Variants in KLF12 observed in about 807,000 individuals in gnomAD.
KLF12 encodes Krueppel-like factor 12.
Under a neutral mutation model 37.8 loss-of-function variants are expected in KLF12, and 9 were observed. The ratio of observed to expected loss-of-function variants is 0.24; its 90% CI spans 0.14 to 0.42. The LOEUF is 0.42. Among genes scored for constraint, KLF12 ranks in the 10% least tolerant of loss-of-function variants. KLF12 has a pLI of 1.00. For synonymous variants in KLF12, 208 were observed against 202.1 expected, an observed-to-expected ratio of 1.03 and a Z score of -0.25; for missense variants, 411 against 516.0, an observed-to-expected ratio of 0.80 and a Z score of 1.97.
chr13:73,956,357 C>T (rs1157911679), intron 2 of KLF12, among the ~76,000 whole-genome samples: 1 of 152,166 alleles, frequency 6.6e-6, no homozygotes, highest in Non-Finnish European at 1.5e-5. Flanking sequence ...ATTGTTGTAA[C>T]TCACATATTC....
At chr13:74,028,001 A>C (rs1265672970) in intron 1 of KLF12, among the ~76,000 whole-genome samples, 1 of 152,222 alleles carries the variant, frequency 6.6e-6, no homozygotes, top group African/African-American at 2.4e-5. Context: ...ATGAGATATC[A>C]CTTAACATTG....
chr13:73,782,369 C>T (rs1051893306), intron 5 of KLF12, among the ~76,000 whole-genome samples: 15 of 152,124 alleles, frequency 9.9e-5, no homozygotes, highest in African/African-American at 3.6e-4. Context: ...TAACTTTCTC[C>T]TAAAGTAAGA....
At chr13:74,280,109 G>T in the KLF12 span, among the ~76,000 whole-genome samples, 2 of 152,268 alleles carry the variant, frequency 1.3e-5, no homozygotes, top group Middle Eastern at 3.4e-3. Flanking sequence ...TGAGTGGTTG[G>T]TGAGCATATT....
chr13:73,904,648 G>T (rs1330810295), intron 3 of KLF12, among the ~76,000 whole-genome samples: 1 of 151,732 alleles, frequency 6.6e-6, no homozygotes, highest in Non-Finnish European at 1.5e-5. Context: ...ACTATATTCT[G>T]GATCATTTTA....
intron 6 of KLF12, among the ~76,000 whole-genome samples, chr13:73,734,904 G>A (rs1311692635): frequency 6.6e-6 from 1 of 152,042 alleles, no homozygotes; most frequent in Non-Finnish European, 1.5e-5. Context: ...TGACTCCAAA[G>A]GTTATTGCTT....
At chr13:73,792,331 T>A (rs999414443) in intron 5 of KLF12, among the ~76,000 whole-genome samples, 1 of 152,222 alleles carries the variant, frequency 6.6e-6, no homozygotes, top group Non-Finnish European at 1.5e-5. Context: ...AATTAAAATC[T>A]TTTTTATGAA....
chr13:74,172,367 T>C, the KLF12 span, among the ~76,000 whole-genome samples: 1 of 152,296 alleles, frequency 6.6e-6, no homozygotes, highest in African/African-American at 2.4e-5. Flanking sequence ...AACAGAAAGA[T>C]CTTAAACACT....
the KLF12 span, among the ~76,000 whole-genome samples, chr13:74,305,696 T>C: frequency 3.1e-3 from 478 of 152,200 alleles, 2 homozygotes; most frequent in African/African-American, 7.8e-3. Flanking sequence ...GTAAAACTTG[T>C]TTGTCAAATG....
At chr13:73,818,206 C>T (rs1023689140) in intron 4 of KLF12, among the ~76,000 whole-genome samples, 3 of 152,242 alleles carry the variant, frequency 2.0e-5, no homozygotes, top group Non-Finnish European at 4.4e-5. Flanking sequence ...AGCGCAATGG[C>T]GCGATCTCGG....
At chr13:74,238,549 G>A in the KLF12 span, among the ~76,000 whole-genome samples, 2 of 135,234 alleles carry the variant, frequency 1.5e-5, no homozygotes, top group East Asian at 2.0e-4. Context: ...GGTAGAATTC[G>A]GCTGTGAATC....
intron 2 of KLF12, among the ~76,000 whole-genome samples, chr13:73,960,747 G>A (rs1404151479): frequency 6.6e-6 from 1 of 152,102 alleles, no homozygotes; most frequent in Non-Finnish European, 1.5e-5. Context: ...AGCTTGAACT[G>A]CACTATCAAA....
At chr13:73,976,152 G>GTT (rs34517205) in intron 2 of KLF12, among the ~76,000 whole-genome samples, 2 of 143,432 alleles carry the variant, frequency 1.4e-5, no homozygotes, top group Non-Finnish European at 1.5e-5. Flanking sequence ...TTGTTTTGGG[G>GTT]TTTTTTTTTT....
At chr13:74,071,581 T>C (rs1028871733) in intron 1 of KLF12, among the ~76,000 whole-genome samples, 1 of 151,946 alleles carries the variant, frequency 6.6e-6, no homozygotes, top group Non-Finnish European at 1.5e-5. Flanking sequence ...TAGTCCCAGC[T>C]ACTCGGGAGG....
intron 5 of KLF12, among the ~76,000 whole-genome samples, chr13:73,805,613 G>T (rs1427445534): frequency 3.0e-5 from 1 of 33,078 alleles, no homozygotes; most frequent in Non-Finnish European, 6.1e-5. Flanking sequence ...CAGAAGGAAG[G>T]GAGGGAGGGA....
chr13:73,790,571 T>C (rs565133316), intron 5 of KLF12, among the ~76,000 whole-genome samples: 1 of 152,222 alleles, frequency 6.6e-6, no homozygotes, highest in South Asian at 2.1e-4. Context: ...CAAAATAAAG[T>C]TATGCATATA....
At chr13:74,178,296 G>A in the KLF12 span, among the ~76,000 whole-genome samples, 1 of 152,150 alleles carries the variant, frequency 6.6e-6, no homozygotes, top group African/African-American at 2.4e-5. Flanking sequence ...GTTGTCCCCT[G>A]ACGCAAAAAT....
chr13:74,092,678 T>C (rs575510463), intron 1 of KLF12, among the ~76,000 whole-genome samples: 1 of 151,828 alleles, frequency 6.6e-6, no homozygotes, highest in South Asian at 2.1e-4. Flanking sequence ...AGACAGCCTA[T>C]AAAATCGGAA....
chr13:73,784,087 C>T (rs1468880634), intron 5 of KLF12, among the ~76,000 whole-genome samples: 4 of 152,104 alleles, frequency 2.6e-5, no homozygotes, highest in Non-Finnish European at 5.9e-5. Flanking sequence ...CTTTCCCTGG[C>T]CCTCAGCTAT....
At chr13:74,040,654 A>C (rs773481688) in intron 1 of KLF12, among the ~76,000 whole-genome samples, 1 of 152,224 alleles carries the variant, frequency 6.6e-6, no homozygotes. Flanking sequence ...TACACAGGAA[A>C]GCTGTTAACA....
Sources: allele counts gnomAD v4.1 joint callset (sites outside exome capture counted in the v4.1 genomes callset), GRCh38; gene constraint gnomAD v4.1.1; transcripts MANE v1.5; gene names NCBI Gene and HGNC (gene_info 2026-07-23, HGNC 2026-07-21).